The following XKR9 variants were observed in gnomAD, a reference collection of about 807,000 sequenced individuals.
The protein encoded by XKR9 is XK related 9.
In XKR9, 32 loss-of-function variants were observed where a neutral mutation model predicts 32.0. That is an observed-to-expected ratio of 1.00 (90% CI 0.76 to 1.34). XKR9 has a LOEUF of 1.34. XKR9 is among the 40% of genes most tolerant of loss of function. The probability of loss-of-function intolerance (pLI) is 0.00; values close to 1 mark genes in which losing one functional copy is unlikely to be tolerated. For synonymous variants in XKR9, 168 were observed against 143.4 expected (o/e 1.17, Z -1.22); for missense variants, 546 against 429.7 (o/e 1.27, Z -2.39).
At chr8:70,793,811 T>C (rs1434809877), downstream of XKR9, among the ~76,000 whole-genome samples, 1 of 152,110 alleles carries the variant, frequency 6.6e-6, no homozygotes, top group African/African-American at 2.4e-5. Flanking sequence ...GTCCCTTTTT[T>C]TTTCAAGATT....
chr8:70,733,779 A>ATTTTTTTTTTT lies in XKR9; in HGVS notation c.494-10_494-9insTTTTTTTTTTT. ...TTATTCCTATAACAATATATTTTTTATTTTTTTGTTTTGTAGATGCGGCCA... is the reference window on the plus strand; with the variant it reads ...TTATTCCTATAACAATATATTTTTTATTTTTTTTTTTTTTTTTTGTTTTGTAGATGCGGCCA... On this transcript the variant is annotated splice_polypyrimidine_tract_variant and intron_variant, in intron 4 of 4. Transcript: ENST00000408926. 1 of 1,509,800 alleles carries ATTTTTTTTTTT rather than the reference A, an allele frequency of 6.6e-7. No individual in the cohort carries two copies. The allele number at this position is 1,509,800 out of a possible 1,614,324, so 93.5% of individuals were successfully genotyped here.
the XKR9 span, among the ~76,000 whole-genome samples, chr8:71,050,250 TATATATATATAGATAGATAG>T: frequency 3.8e-5 from 5 of 131,998 alleles, no homozygotes; most frequent in African/African-American, 1.3e-4. Flanking sequence ...TATATATATA[TATATATATATAGATAGATAG>T]ATAGATATAG....
chr8:70,818,699 G>T, the XKR9 span, among the ~76,000 whole-genome samples: 2 of 152,114 alleles, frequency 1.3e-5, no homozygotes, highest in Non-Finnish European at 2.9e-5. Context: ...TGGGAATTTT[G>T]TTTGTGCTAA....
chr8:70,891,131 T>A, the XKR9 span, among the ~76,000 whole-genome samples: 1 of 152,032 alleles, frequency 6.6e-6, no homozygotes, highest in Non-Finnish European at 1.5e-5. Flanking sequence ...TGGCATTAGT[T>A]TTAATGCCTC....
At chr8:70,888,759 A>G in the XKR9 span, among the ~76,000 whole-genome samples, 1 of 152,058 alleles carries the variant, frequency 6.6e-6, no homozygotes, top group East Asian at 1.9e-4. Flanking sequence ...AACTCAGTTT[A>G]CTGTAAATGC....
At chr8:70,681,514 C>T (rs1819083735) in intron 3 of XKR9, among the ~76,000 whole-genome samples, 184 bp downstream of exon 3, 1 of 151,994 alleles carries the variant, frequency 6.6e-6, no homozygotes, top group Admixed American at 6.6e-5. Flanking sequence ...TTTCCAGGTT[C>T]ATTAATAAAA....
the XKR9 span, among the ~76,000 whole-genome samples, chr8:70,802,592 G>A: frequency 6.6e-6 from 1 of 152,172 alleles, no homozygotes; most frequent in Non-Finnish European, 1.5e-5. Flanking sequence ...GTGTGTTTTT[G>A]TAGTAGCCAG....
the XKR9 span, among the ~76,000 whole-genome samples, chr8:70,805,965 C>T: frequency 6.6e-6 from 1 of 152,172 alleles, no homozygotes; most frequent in Non-Finnish European, 1.5e-5. Context: ...GACCTTCCAA[C>T]AGGAGTTGTC....
the XKR9 span, among the ~76,000 whole-genome samples, chr8:70,917,462 G>A: frequency 1.3e-5 from 2 of 151,868 alleles, no homozygotes; most frequent in African/African-American, 4.8e-5. Context: ...AACTCATGAT[G>A]GTTCAATTTA....
intron 1 of XKR9, among the ~76,000 whole-genome samples, chr8:70,673,841 AG>A (rs1199536002): frequency 6.6e-6 from 1 of 152,176 alleles, no homozygotes; most frequent in Admixed American, 6.5e-5. Flanking sequence ...TTCCTCTCCA[AG>A]AAATCAGATC....
downstream of XKR9, among the ~76,000 whole-genome samples, chr8:70,736,482 T>A (rs965012105): frequency 4.6e-5 from 7 of 152,206 alleles, no homozygotes; most frequent in African/African-American, 1.4e-4. Context: ...TTAGATCCCA[T>A]TTGTCAATTT....
chr8:70,831,668 T>A, the XKR9 span, among the ~76,000 whole-genome samples: 1 of 152,194 alleles, frequency 6.6e-6, no homozygotes, highest in Non-Finnish European at 1.5e-5. Flanking sequence ...TTTCTATAAT[T>A]TTTATGAAAC....
At chr8:70,904,506 A>G in the XKR9 span, among the ~76,000 whole-genome samples, 8 of 151,858 alleles carry the variant, frequency 5.3e-5, no homozygotes, top group East Asian at 5.8e-4. Context: ...TTTTGAGCCT[A>G]TTTGTATCTC....
the XKR9 span, among the ~76,000 whole-genome samples, chr8:71,026,994 T>C: frequency 3.3e-5 from 5 of 152,242 alleles, no homozygotes; most frequent in Non-Finnish European, 4.4e-5. Context: ...TTTAAAAACT[T>C]AATTTAATTA....
At chr8:70,814,315 A>T in the XKR9 span, among the ~76,000 whole-genome samples, 1 of 152,078 alleles carries the variant, frequency 6.6e-6, no homozygotes, top group African/African-American at 2.4e-5. Context: ...AGGGGGAGGG[A>T]TAGCATTAGG....
chr8:70,997,755 C>T, the XKR9 span, among the ~76,000 whole-genome samples: 1 of 152,074 alleles, frequency 6.6e-6, no homozygotes, highest in Non-Finnish European at 1.5e-5. Flanking sequence ...TCCCCCCAAA[C>T]TATTGAAATA....
the XKR9 span, among the ~76,000 whole-genome samples, chr8:71,029,544 A>C: frequency 6.6e-6 from 1 of 152,198 alleles, no homozygotes; most frequent in African/African-American, 2.4e-5. Context: ...AGTAGAGCAA[A>C]GGTATTAACT....
chr8:71,033,722 A>G, the XKR9 span, among the ~76,000 whole-genome samples: 6 of 152,126 alleles, frequency 3.9e-5, no homozygotes, highest in South Asian at 1.2e-3. Flanking sequence ...TTCTTATCTC[A>G]CCACGTGATC....
the XKR9 span, among the ~76,000 whole-genome samples, chr8:70,927,665 A>T: frequency 6.6e-6 from 1 of 152,166 alleles, no homozygotes; most frequent in African/African-American, 2.4e-5. Context: ...ACCACTCACC[A>T]GTACAGAACC....
Sources: gnomAD v4.1 joint callset for allele counts (sites outside exome capture counted in the v4.1 genomes callset) on GRCh38, gnomAD v4.1.1 for gene constraint, MANE v1.5 for transcripts, NCBI Gene and HGNC (gene_info 2026-07-23, HGNC 2026-07-21) for gene names.